Variants in B4GALT6 observed in about 807,000 individuals in gnomAD.
B4GALT6 encodes the protein UDP-Gal:beta-GlcNAc beta-1,4-galactosyltransferase 6.
A neutral mutation model predicts 46.3 loss-of-function variants in B4GALT6; 14 were observed. The observed-to-expected ratio is 0.30, with a 90% CI of 0.20 to 0.47. The LOEUF (loss-of-function observed/expected upper bound fraction) is 0.47, where lower values mean the gene tolerates loss of function less well. Among genes scored for constraint, B4GALT6 ranks in the 20% least tolerant of loss-of-function variants. The pLI is 0.99. For synonymous variants in B4GALT6, 168 were observed against 162.0 expected (o/e 1.04, Z -0.28); for missense variants, 386 against 480.1 (o/e 0.80, Z 1.83).
chr18:31,678,027 A>T (rs1056578493), intron 1 of B4GALT6, among the ~76,000 whole-genome samples: 1 of 152,200 alleles, frequency 6.6e-6, no homozygotes, highest in Non-Finnish European at 1.5e-5. Flanking sequence ...GCAGGCTTGA[A>T]AGGGAAAAGG....
chr18:31,640,554 T>C lies in B4GALT6; in HGVS notation c.472-1794A>G, dbSNP rs893799271. On this transcript the variant is annotated intron_variant, in intron 4 of 8. Coordinates refer to ENST00000306851, the MANE Select transcript of B4GALT6 (RefSeq NM_004775.5). ...AATGGCTGCTATGAGGCTGATGTTT[T>C]CATGATAATAATTAATCACAGCATA... 2.6e-5 allele frequency among the ~76,000 whole-genome samples: 4 copies of C among 152,214 alleles called. No homozygotes were observed. The South Asian group carries it at 6.2e-4, about 24-fold the overall frequency.
At chr18:31,651,845 A>G (rs554629090) in intron 3 of B4GALT6, among the ~76,000 whole-genome samples, 1 of 152,162 alleles carries the variant, frequency 6.6e-6, no homozygotes, top group South Asian at 2.1e-4. Flanking sequence ...ATCTCAGCTC[A>G]CTGCCAGCTC....
intron 5 of B4GALT6, among the ~76,000 whole-genome samples, chr18:31,636,607 T>C (rs979212939): frequency 2.6e-5 from 4 of 152,148 alleles, no homozygotes; most frequent in African/African-American, 9.7e-5. Flanking sequence ...CTGGCAATGA[T>C]GTAAAGCAAT....
At chr18:31,657,872 C>G in intron 3 of B4GALT6, 104 bp downstream of exon 3, 1 of 765,254 alleles carries the variant, frequency 1.3e-6, no homozygotes, top group South Asian at 2.2e-5. Context: ...AACATTTGCA[C>G]CCAGGTGCAC....
chr18:31,690,913 C>T, the B4GALT6 span, among the ~76,000 whole-genome samples: 5 of 152,058 alleles, frequency 3.3e-5, no homozygotes, highest in Admixed American at 2.0e-4. Flanking sequence ...AACCAAACAC[C>T]GCATGTTCTC....
chr18:31,678,068 G>A (rs1044740731), intron 1 of B4GALT6, among the ~76,000 whole-genome samples: 3 of 152,196 alleles, frequency 2.0e-5, no homozygotes, highest in Non-Finnish European at 4.4e-5. Context: ...GTGGCGGACA[G>A]GTAGAGGAGC....
At chr18:31,718,543 G>A in the B4GALT6 span, among the ~76,000 whole-genome samples, 2 of 152,220 alleles carry the variant, frequency 1.3e-5, no homozygotes, top group South Asian at 2.1e-4. Flanking sequence ...ATATCTGGAG[G>A]GCTGGTGCTT....
the B4GALT6 span, chr18:31,719,270 G>A: frequency 6.6e-6 from 1 of 152,246 alleles, no homozygotes; most frequent in Non-Finnish European, 1.5e-5. Flanking sequence ...GGAGACCTCT[G>A]CCATGTGGGA....
chr18:31,641,511 C>T (rs1239885586), intron 4 of B4GALT6, among the ~76,000 whole-genome samples: 1 of 152,132 alleles, frequency 6.6e-6, no homozygotes, highest in Non-Finnish European at 1.5e-5. Flanking sequence ...GAAGAATGTC[C>T]TCCATAGTTT....
chr18:31,692,732 A>C, the B4GALT6 span, among the ~76,000 whole-genome samples: 2 of 152,230 alleles, frequency 1.3e-5, no homozygotes, highest in Non-Finnish European at 2.9e-5. Flanking sequence ...TAAGGGAAAG[A>C]AAGTTATAAA....
chr18:31,650,744 C>T (rs949150127), intron 3 of B4GALT6, among the ~76,000 whole-genome samples: 1 of 152,182 alleles, frequency 6.6e-6, no homozygotes, highest in Non-Finnish European at 1.5e-5. Flanking sequence ...GGGTTTAGCT[C>T]AGAGGCTTCA....
chr18:31,665,615 G>A (rs1042689769), intron 2 of B4GALT6, among the ~76,000 whole-genome samples: 26 of 152,100 alleles, frequency 1.7e-4, no homozygotes, highest in East Asian at 1.9e-4. Flanking sequence ...GGTGATGGGC[G>A]CCTGTAATCC....
chr18:31,723,863 G>A, the B4GALT6 span, among the ~76,000 whole-genome samples: 3 of 152,138 alleles, frequency 2.0e-5, no homozygotes, highest in South Asian at 2.1e-4. Flanking sequence ...AGGAGGAAGA[G>A]TTCAGGCTGC....
chr18:31,655,051 C>G lies in B4GALT6; in HGVS notation c.346+2925G>C, dbSNP rs534307745. 4.6e-5 allele frequency among the ~76,000 whole-genome samples: 7 copies of G among 152,298 alleles called. No individual in the cohort carries two copies. In the East Asian group the frequency reaches 1.3e-3, roughly 29 times the overall value. ...AAATTAATACCTATCAAACTTTAAG[C>G]ACTGTGTGCTTCATTCTATCCTTAC... On this transcript the variant is annotated intron_variant, in intron 3 of 8. Transcript: ENST00000306851.
upstream of B4GALT6, among the ~76,000 whole-genome samples, chr18:31,688,294 C>G (rs902901259): frequency 1.4e-5 from 2 of 145,216 alleles, no homozygotes; most frequent in Non-Finnish European, 3.0e-5. Context: ...TATGTAATTC[C>G]AAAATGTTGT....
At chr18:31,634,541 T>A (rs561854011) in intron 5 of B4GALT6, among the ~76,000 whole-genome samples, 4 of 152,330 alleles carry the variant, frequency 2.6e-5, no homozygotes, top group African/African-American at 9.6e-5. Context: ...GCTTCCTGAC[T>A]TAACCGAAAC....
At chr18:31,720,911 G>A in the B4GALT6 span, among the ~76,000 whole-genome samples, 33 of 152,290 alleles carry the variant, frequency 2.2e-4, no homozygotes, top group Admixed American at 1.3e-3. Context: ...CTGAGGCAGG[G>A]GGAAGTGTTT....
chr18:31,709,603 G>GTGTGTATA, the B4GALT6 span, among the ~76,000 whole-genome samples: 3 of 135,478 alleles, frequency 2.2e-5, no homozygotes, highest in South Asian at 2.3e-4. Flanking sequence ...GTGTGTGTGT[G>GTGTGTATA]TATATATATA....
At position 31,631,467 on chromosome 18, in the gene B4GALT6, A is replaced by G. The variant is rs140897553; in HGVS notation, c.589-321T>C. ...TAAATATACTTCAGGATTTTCAAAT[A>G]CACTGTTTAAATTTACTTACTATAT... is the stretch of plus-strand genomic sequence containing the variant. On this transcript the variant is annotated intron_variant, in intron 5 of 8. Transcript: ENST00000306851. Among the ~76,000 whole-genome samples, 809 of 152,232 alleles carry G rather than the reference A, an allele frequency of 5.3e-3. 9 individuals carry two copies. Among genetic ancestry groups the G allele is most frequent in the African/African-American group, 0.019 (776 of 41,556 alleles).
Sources: allele counts gnomAD v4.1 joint callset (sites outside exome capture counted in the v4.1 genomes callset), GRCh38; gene constraint gnomAD v4.1.1; transcripts MANE v1.5; gene names NCBI Gene and HGNC (gene_info 2026-07-23, HGNC 2026-07-21).